The following CNTN4 variants were observed in gnomAD, a reference collection of about 807,000 sequenced individuals.
The protein encoded by CNTN4 is contactin-4.
In CNTN4, 77 loss-of-function variants were observed where a neutral mutation model predicts 122.5. That is an observed-to-expected ratio of 0.63 (90% CI 0.52 to 0.76). The LOEUF is 0.76. Among genes scored for constraint, CNTN4 ranks in the 30% least tolerant of loss-of-function variants. The pLI is 0.00. For missense variants in CNTN4, 1,256 were observed against 1,259.1 expected (o/e 1.00, Z 0.04); for synonymous variants, 512 against 447.0 (o/e 1.15, Z -1.83).
chr3:2,386,288 C>G (rs1162122223), intron 3 of CNTN4, among the ~76,000 whole-genome samples: 5 of 152,086 alleles, frequency 3.3e-5, no homozygotes, highest in Non-Finnish European at 7.4e-5. Context: ...GCATTGCTGT[C>G]TGCTTGACCT....
intron 14 of CNTN4, among the ~76,000 whole-genome samples, chr3:3,019,785 T>C (rs9856374): frequency 2.9e-5 from 3 of 102,500 alleles, no homozygotes; most frequent in East Asian, 2.0e-4. Flanking sequence ...TATATATATA[T>C]ATATATATAT....
intron 3 of CNTN4, among the ~76,000 whole-genome samples, chr3:2,474,053 C>T (rs749925543): frequency 7.9e-5 from 12 of 151,970 alleles, no homozygotes; most frequent in Non-Finnish European, 1.8e-4. Context: ...CCTCATTTCC[C>T]TTCTGGTTTC....
intron 4 of CNTN4, among the ~76,000 whole-genome samples, chr3:2,713,935 A>T (rs950145273): frequency 6.6e-6 from 1 of 152,192 alleles, no homozygotes; most frequent in African/African-American, 2.4e-5. Context: ...TGATGATAAT[A>T]CCTTCATCAT....
At chr3:2,778,400 C>T (rs1048200708) in intron 6 of CNTN4, among the ~76,000 whole-genome samples, 1 of 146,688 alleles carries the variant, frequency 6.8e-6, no homozygotes, top group African/African-American at 2.5e-5. Context: ...GTTCTCAAAA[C>T]ATGAGCCACT....
At chr3:2,866,235 C>T (rs891416491) in intron 7 of CNTN4, among the ~76,000 whole-genome samples, 4 of 151,968 alleles carry the variant, frequency 2.6e-5, no homozygotes, top group Admixed American at 6.6e-5. Flanking sequence ...CCTAGGTGCC[C>T]GTTTCTCAGT....
rs1701872748 is a variant in CNTN4, at chr3:3,057,403, C to A, written c.*1183C>A. On this transcript the variant is annotated 3_prime_UTR_variant, in exon 25 of 25. Coordinates refer to ENST00000418658, the MANE Select transcript of CNTN4 (RefSeq NM_175607.3). ...AGCCTAGTTGCTTTATATGCTTTAC[C>A]TTCTAGGTCTTAAAATCACACATTG... 1 of 152,492 alleles carries A rather than the reference C, an allele frequency of 6.6e-6. No individual in the cohort carries two copies. The highest frequency in any genetic ancestry group is 2.4e-5 in the African/African-American group (1 of 41,406). The allele number at this position is 152,492 out of a possible 1,614,324, so 9.4% of individuals were successfully genotyped here.
intron 2 of CNTN4, among the ~76,000 whole-genome samples, chr3:2,125,109 A>G (rs1460655880): frequency 6.6e-6 from 1 of 151,948 alleles, no homozygotes; most frequent in Admixed American, 6.6e-5. Flanking sequence ...TTGAACAATA[A>G]CTCTCCATTT....
At chr3:2,537,594 G>A (rs923875759) in intron 3 of CNTN4, among the ~76,000 whole-genome samples, 3 of 152,056 alleles carry the variant, frequency 2.0e-5, no homozygotes, top group Non-Finnish European at 4.4e-5. Context: ...TTGGAGCAGA[G>A]TAAGACACTT....
chr3:2,946,770 C>T lies in CNTN4; in HGVS notation c.1358+20991C>T, dbSNP rs187548079. On this transcript the variant is annotated intron_variant, in intron 13 of 24. Coordinates refer to ENST00000418658, the MANE Select transcript of CNTN4 (RefSeq NM_175607.3). Reference sequence around the variant, plus strand: ...CCAGGCTGGAATGCAGTGGCGTGAACATGGCTCACTGCAATAATCCCAGAC... The same window carrying T: ...CCAGGCTGGAATGCAGTGGCGTGAATATGGCTCACTGCAATAATCCCAGAC... Among the ~76,000 whole-genome samples the T allele has an allele frequency of 3.6e-3, 491 of 137,420 alleles. 1 individual carries two copies. Among genetic ancestry groups the T allele is most frequent in the Non-Finnish European group, 4.5e-3 (296 of 65,604 alleles). The allele number at this position is 137,420 out of a possible 152,430, so 90.2% of individuals were successfully genotyped here.
intron 13 of CNTN4, among the ~76,000 whole-genome samples, chr3:2,981,423 G>T (rs892360221): frequency 1.9e-4 from 29 of 151,990 alleles, no homozygotes; most frequent in African/African-American, 6.5e-4. Context: ...CAGCCTGGGC[G>T]ACAGAGCGAG....
intron 2 of CNTN4, among the ~76,000 whole-genome samples, chr3:2,210,055 C>T (rs1248516915): frequency 6.6e-6 from 1 of 152,180 alleles, no homozygotes; most frequent in Admixed American, 6.5e-5. Flanking sequence ...CAGTGTCTTA[C>T]AAAACTATTT....
chr3:2,810,008 A>G (rs1423504989), intron 6 of CNTN4, among the ~76,000 whole-genome samples: 1 of 152,234 alleles, frequency 6.6e-6, no homozygotes, highest in African/African-American at 2.4e-5. Flanking sequence ...TGTAAAGTCA[A>G]GAAAATAATA....
chr3:2,692,197 A>T, intron 4 of CNTN4, among the ~76,000 whole-genome samples: 1 of 152,200 alleles, frequency 6.6e-6, no homozygotes, highest in East Asian at 1.9e-4. Flanking sequence ...TGAAAATGCG[A>T]TCCCTTGACT....
chr3:2,951,255 G>A (rs537042271), intron 13 of CNTN4, among the ~76,000 whole-genome samples: 77 of 152,298 alleles, frequency 5.1e-4, no homozygotes, highest in African/African-American at 1.7e-3. Context: ...CACAGATGGC[G>A]GGTGGGGTGG....
At chr3:2,153,326 A>ATTT (rs1340168846) in intron 2 of CNTN4, among the ~76,000 whole-genome samples, 83 of 152,340 alleles carry the variant, frequency 5.4e-4, no homozygotes, top group African/African-American at 1.9e-3. Context: ...GCAACCCATG[A>ATTT]GGAGGAAGGA....
chr3:2,533,334 C>G (rs1449355583), intron 3 of CNTN4, among the ~76,000 whole-genome samples: 3 of 151,834 alleles, frequency 2.0e-5, no homozygotes, highest in African/African-American at 7.3e-5. Flanking sequence ...TTTCCCGTGT[C>G]CAAGTGTTCT....
In CNTN4 at chr3:2,512,050, A is replaced by G. The variant is rs145529667; in HGVS notation, c.-88-59366A>G. ...ATGTAAGTAAAACTAATATATATAT[A>G]AAGAGATAATCTTTATATGCATGCC... On this transcript the variant is annotated intron_variant, in intron 3 of 24. Coordinates refer to ENST00000418658, the MANE Select transcript of CNTN4 (RefSeq NM_175607.3). Among the ~76,000 whole-genome samples the G allele has an allele frequency of 5.9e-5, 9 of 152,298 alleles. No individual in the cohort carries two copies. In the South Asian group the frequency reaches 6.2e-4, roughly 11 times the overall value.
chr3:2,861,700 A>T (rs1288655736), intron 7 of CNTN4, among the ~76,000 whole-genome samples: 1 of 152,132 alleles, frequency 6.6e-6, no homozygotes, highest in Admixed American at 6.6e-5. Context: ...AATCAAATAA[A>T]TAAGAGTGTG....
chr3:2,961,184 T>C (rs1353580064), intron 13 of CNTN4, among the ~76,000 whole-genome samples: 14 of 117,104 alleles, frequency 1.2e-4, no homozygotes, highest in Non-Finnish European at 2.1e-4. Context: ...GAGCCGAGAT[T>C]GGACCACTGC....
Sources: allele counts gnomAD v4.1 joint callset (sites outside exome capture counted in the v4.1 genomes callset), GRCh38; gene constraint gnomAD v4.1.1; transcripts MANE v1.5; gene names NCBI Gene and HGNC (gene_info 2026-07-23, HGNC 2026-07-21).